Variants in DOK6 observed in about 807,000 individuals in gnomAD.
The protein encoded by DOK6 is downstream of tyrosine kinase 6.
In DOK6, 22 loss-of-function variants were observed where a neutral mutation model predicts 44.0. The observed-to-expected ratio is 0.50, with a 90% CI of 0.36 to 0.71. DOK6 has a LOEUF of 0.71. DOK6 is among the 30% of genes least tolerant of loss of function. The pLI is 0.00. For synonymous variants in DOK6, 166 were observed against 145.5 expected (o/e 1.14, Z -1.01); for missense variants, 340 against 416.4 (o/e 0.82, Z 1.60).
intron 7 of DOK6, among the ~76,000 whole-genome samples, chr18:69,803,630 G>A (rs1480743171): frequency 3.3e-5 from 5 of 152,140 alleles, no homozygotes; most frequent in South Asian, 2.1e-4. Context: ...TTGGGAGGCC[G>A]AGGCAGGTGG....
chr18:69,513,111 C>CAATA (rs35084841), intron 1 of DOK6, among the ~76,000 whole-genome samples: 61,348 of 151,652 alleles, frequency 0.4, 13,347 homozygotes, highest in Non-Finnish European at 0.49. Flanking sequence ...CTTAAAATAA[C>CAATA]AAAGCTCGTT....
intron 7 of DOK6, among the ~76,000 whole-genome samples, chr18:69,835,609 A>C (rs1465770002): frequency 1.3e-5 from 2 of 152,162 alleles, no homozygotes; most frequent in Non-Finnish European, 2.9e-5. Context: ...CCATGCTTAC[A>C]TCTGCAGCCT....
chr18:69,414,973 T>C (rs1487954313), intron 1 of DOK6, among the ~76,000 whole-genome samples: 1 of 152,130 alleles, frequency 6.6e-6, no homozygotes, highest in Non-Finnish European at 1.5e-5. Context: ...ACTTGTCAAT[T>C]ATGAATTTTG....
At chr18:69,532,981 A>G (rs1982026568) in intron 1 of DOK6, 5 of 152,206 alleles carry the variant, frequency 3.3e-5, no homozygotes, top group Admixed American at 3.3e-4. Flanking sequence ...GAAAAACATC[A>G]ATTTCAATGT....
intron 5 of DOK6, among the ~76,000 whole-genome samples, chr18:69,733,389 T>C (rs1978484076): frequency 6.6e-6 from 1 of 152,172 alleles, no homozygotes; most frequent in Non-Finnish European, 1.5e-5. Context: ...TGCATATAAA[T>C]TCTTCCCATG....
At chr18:69,678,205 C>T (rs754941580) in intron 4 of DOK6, among the ~76,000 whole-genome samples, 7 of 152,168 alleles carry the variant, frequency 4.6e-5, no homozygotes, top group East Asian at 1.9e-4. Flanking sequence ...GCCAAGATCA[C>T]GCCACTGCAC....
intron 5 of DOK6, among the ~76,000 whole-genome samples, chr18:69,712,826 G>A (rs991980250): frequency 7.9e-5 from 12 of 152,192 alleles, no homozygotes; most frequent in African/African-American, 1.2e-4. Context: ...CAGCCTGGGC[G>A]ACAGAGTGAG....
intron 1 of DOK6, among the ~76,000 whole-genome samples, chr18:69,522,491 TG>T (rs778796905): frequency 2.6e-5 from 4 of 152,072 alleles, no homozygotes; most frequent in Non-Finnish European, 5.9e-5. Flanking sequence ...TCTATGCATA[TG>T]GAGTCTTTAC....
chr18:69,443,038 A>AT (rs1265034563), intron 1 of DOK6, among the ~76,000 whole-genome samples: 8 of 152,120 alleles, frequency 5.3e-5, no homozygotes, highest in African/African-American at 7.2e-5. Flanking sequence ...AAGATCACTC[A>AT]TTTTTTTTCA....
intron 1 of DOK6, among the ~76,000 whole-genome samples, chr18:69,530,457 G>A (rs577362544): frequency 6.6e-6 from 1 of 152,248 alleles, no homozygotes; most frequent in South Asian, 2.1e-4. Flanking sequence ...GCAGGGCCTG[G>A]ATAGCAGATA....
At chr18:69,608,069 T>C (rs1201504633) in intron 3 of DOK6, among the ~76,000 whole-genome samples, 1 of 152,152 alleles carries the variant, frequency 6.6e-6, no homozygotes, top group Non-Finnish European at 1.5e-5. Context: ...GTTAGAGATA[T>C]AAAAAATCAA....
At chr18:69,815,246 G>A (rs1451874288) in intron 7 of DOK6, among the ~76,000 whole-genome samples, 3 of 152,136 alleles carry the variant, frequency 2.0e-5, no homozygotes, top group Admixed American at 6.6e-5. Flanking sequence ...AAACTAAATA[G>A]AGATGTAGAG....
At chr18:69,518,859 A>G (rs920484489) in intron 1 of DOK6, among the ~76,000 whole-genome samples, 4 of 152,172 alleles carry the variant, frequency 2.6e-5, no homozygotes, top group Non-Finnish European at 4.4e-5. Context: ...TTCACTGGAT[A>G]TAATGGAATA....
Position 69,647,151 on chromosome 18 carries a change from A to G in DOK6, c.290-30583A>G, listed in dbSNP as rs77097290. The stretch of plus-strand genomic sequence containing the variant: ...TCCTGTCTATCTATCTACCCTATCC[A>G]TCTATCCTATCCATCTATCCTATCC... On this transcript the variant is annotated intron_variant, in intron 3 of 7. Coordinates refer to ENST00000382713, the MANE Select transcript of DOK6 (RefSeq NM_152721.6). Among the ~76,000 whole-genome samples the G allele has an allele frequency of 2.5e-3, 374 of 149,360 alleles. 3 individuals carry two copies. The highest frequency in any genetic ancestry group is 4.3e-3 in the Non-Finnish European group (287 of 66,404).
chr18:69,447,168 T>C (rs1376649550), intron 1 of DOK6, among the ~76,000 whole-genome samples: 1 of 152,212 alleles, frequency 6.6e-6, no homozygotes, highest in Non-Finnish European at 1.5e-5. Flanking sequence ...GGTTTTATTC[T>C]AGGGTTTTTA....
chr18:69,829,156 AG>A (rs1981832826), intron 7 of DOK6, among the ~76,000 whole-genome samples: 2 of 151,144 alleles, frequency 1.3e-5, no homozygotes, highest in African/African-American at 4.8e-5. Flanking sequence ...GGTGGAAAAG[AG>A]GGAGAGAAAA....
intron 1 of DOK6, among the ~76,000 whole-genome samples, chr18:69,402,512 C>T (rs1916122719): frequency 6.6e-6 from 1 of 152,192 alleles, no homozygotes; most frequent in South Asian, 2.1e-4. Context: ...CACCAAGCAC[C>T]AGGAGTCGCT....
chr18:69,649,598 C>A (rs1985170739), intron 3 of DOK6, among the ~76,000 whole-genome samples: 1 of 152,060 alleles, frequency 6.6e-6, no homozygotes, highest in Non-Finnish European at 1.5e-5. Flanking sequence ...GGAGTCTTAA[C>A]AGACTTTATA....
intron 1 of DOK6, among the ~76,000 whole-genome samples, chr18:69,487,430 C>G (rs1454776692): frequency 6.6e-6 from 1 of 152,144 alleles, no homozygotes; most frequent in East Asian, 1.9e-4. Context: ...GGGGCAAAAT[C>G]TGCCCCCAGT....
Sources: allele counts gnomAD v4.1 joint callset (sites outside exome capture counted in the v4.1 genomes callset), GRCh38; gene constraint gnomAD v4.1.1; transcripts MANE v1.5; gene names NCBI Gene and HGNC (gene_info 2026-07-23, HGNC 2026-07-21).